PTPRT: variants seen among roughly 807,000 people sequenced by gnomAD.
PTPRT encodes the protein protein tyrosine phosphatase receptor type T, also known as receptor-type tyrosine-protein phosphatase T.
Under a neutral mutation model 176.8 loss-of-function variants are expected in PTPRT, and 56 were observed. That is an observed-to-expected ratio of 0.32 (90% CI 0.26 to 0.40). The LOEUF (loss-of-function observed/expected upper bound fraction) is 0.40, where lower values mean the gene tolerates loss of function less well. Ranked by LOEUF, PTPRT falls within the 10% of genes least tolerant of loss-of-function variation. The probability of loss-of-function intolerance (pLI) is 1.00; values close to 1 mark genes in which losing one functional copy is unlikely to be tolerated. For missense variants in PTPRT, 1,540 were observed against 1,908.2 expected (o/e 0.81, Z 3.60); for synonymous variants, 783 against 739.0 (o/e 1.06, Z -0.96).
chr20:42,709,728 G>GTT (rs2076115815), intron 6 of PTPRT, among the ~76,000 whole-genome samples: 1 of 152,178 alleles, frequency 6.6e-6, no homozygotes, highest in Non-Finnish European at 1.5e-5. Context: ...GGCTGGAAGA[G>GTT]TTTGGAGATT....
chr20:42,366,003 C>T (rs181119136), intron 9 of PTPRT, among the ~76,000 whole-genome samples: 37 of 152,318 alleles, frequency 2.4e-4, no homozygotes, highest in Admixed American at 4.6e-4. Context: ...CAGCCAGTTG[C>T]CAGGAAGACG....
chr20:42,174,438 G>A (rs1990202660), intron 16 of PTPRT, among the ~76,000 whole-genome samples: 1 of 152,160 alleles, frequency 6.6e-6, no homozygotes, highest in Non-Finnish European at 1.5e-5. Context: ...CTGCATGTCA[G>A]TTCTGTGTTT....
intron 1 of PTPRT, among the ~76,000 whole-genome samples, chr20:42,998,807 G>C (rs565659718): frequency 8.5e-4 from 129 of 152,234 alleles, no homozygotes; most frequent in African/African-American, 3.0e-3. Flanking sequence ...AGCTAAGACC[G>C]AGTGACTTGC....
At chr20:43,025,534 T>A (rs1241239593) in intron 1 of PTPRT, among the ~76,000 whole-genome samples, 1 of 152,152 alleles carries the variant, frequency 6.6e-6, no homozygotes, top group Non-Finnish European at 1.5e-5. Context: ...AAAGCAGGAA[T>A]CTCCTGGAAA....
chr20:42,058,068 C>A, the PTPRT span, among the ~76,000 whole-genome samples: 1 of 152,178 alleles, frequency 6.6e-6, no homozygotes, highest in Non-Finnish European at 1.5e-5. Context: ...TCTCCTTCCT[C>A]CTGAATACCT....
At chr20:42,163,902 G>T (rs552287368) in intron 16 of PTPRT, among the ~76,000 whole-genome samples, 1 of 152,208 alleles carries the variant, frequency 6.6e-6, no homozygotes, top group Non-Finnish European at 1.5e-5. Flanking sequence ...TGTCCCAGCT[G>T]TCATGAATAG....
intron 1 of PTPRT, among the ~76,000 whole-genome samples, chr20:43,122,004 C>T (rs2211285): frequency 0.44 from 66,144 of 151,988 alleles, 15,518 homozygotes; most frequent in East Asian, 0.73. Context: ...CTCCAAAACC[C>T]AGGCTCTTGA....
Position 42,363,283 on chromosome 20 carries a change from TATATATATATATATA to T in PTPRT, c.1561-11013_1561-10999del, listed in dbSNP as rs1201717066. Among the ~76,000 whole-genome samples the T allele has an allele frequency of 2.5e-3, 43 of 17,322 alleles. 2 individuals are homozygous for T. Among genetic ancestry groups the T allele is most frequent in the African/African-American group, 0.011 (43 of 3,808 alleles). The allele number at this position is 17,322 out of a possible 152,430, so 11.4% of individuals were successfully genotyped here. ...AATTTATTACAATTATATATATATA[TATATATATATATATA>T]TATTTTTTTTTTTTTTTTTTTTTTT... On this transcript the variant is annotated intron_variant, in intron 9 of 30. Coordinates refer to ENST00000373187, the MANE Select transcript of PTPRT (RefSeq NM_007050.6).
intron 7 of PTPRT, among the ~76,000 whole-genome samples, chr20:42,634,065 A>T (rs1253245702): frequency 7.4e-5 from 3 of 40,502 alleles, no homozygotes; most frequent in East Asian, 1.4e-3. Flanking sequence ...TAAATATATA[A>T]TATATATATA....
intron 9 of PTPRT, among the ~76,000 whole-genome samples, chr20:42,441,683 C>T (rs2059317316): frequency 1.3e-5 from 2 of 152,144 alleles, no homozygotes; most frequent in Admixed American, 6.5e-5. Flanking sequence ...GAGATGGTGC[C>T]ATGCGGCCTG....
At chr20:42,696,848 T>TAGCCC (rs2075887851) in intron 6 of PTPRT, among the ~76,000 whole-genome samples, 1 of 152,122 alleles carries the variant, frequency 6.6e-6, no homozygotes, top group Admixed American at 6.5e-5. Flanking sequence ...GAGACAACTG[T>TAGCCC]AGCCCCAGTA....
chr20:42,696,998 G>A (rs952132889), intron 6 of PTPRT, among the ~76,000 whole-genome samples: 17 of 152,120 alleles, frequency 1.1e-4, no homozygotes, highest in African/African-American at 3.9e-4. Flanking sequence ...AGACAACTAA[G>A]ACATCAAACA....
At chr20:42,198,942 T>C (rs935509526) in intron 16 of PTPRT, among the ~76,000 whole-genome samples, 17 of 152,192 alleles carry the variant, frequency 1.1e-4, no homozygotes, top group African/African-American at 3.4e-4. Flanking sequence ...ACCATCCTCC[T>C]CCTCTTTCTT....
At chr20:42,683,271 T>TTTTTTGTTTTGTTTTG (rs1555898538) in intron 6 of PTPRT, among the ~76,000 whole-genome samples, 4 of 149,280 alleles carry the variant, frequency 2.7e-5, no homozygotes, top group African/African-American at 7.5e-5. Flanking sequence ...TTACTTGTTT[T>TTTTTTGTTTTGTTTTG]TTTTGTTTTG....
intron 7 of PTPRT, among the ~76,000 whole-genome samples, chr20:42,553,196 G>A (rs1229050052): frequency 2.0e-5 from 3 of 152,244 alleles, no homozygotes; most frequent in Non-Finnish European, 4.4e-5. Flanking sequence ...TGATAGGCTA[G>A]CTCAAACAAA....
intron 1 of PTPRT, among the ~76,000 whole-genome samples, chr20:42,956,183 A>G (rs1370941082): frequency 6.6e-6 from 1 of 152,128 alleles, no homozygotes; most frequent in Admixed American, 6.5e-5. Context: ...TTGTCTGCCC[A>G]AACTTGGTGA....
intron 13 of PTPRT, among the ~76,000 whole-genome samples, chr20:42,256,036 T>G (rs727336): frequency 6.6e-6 from 1 of 152,004 alleles, no homozygotes; most frequent in Non-Finnish European, 1.5e-5. Flanking sequence ...TGGCTTTGTA[T>G]GTATCTGGCA....
intron 7 of PTPRT, among the ~76,000 whole-genome samples, chr20:42,638,547 CCT>C (rs576612838): frequency 2.6e-5 from 4 of 152,146 alleles, no homozygotes; most frequent in African/African-American, 9.6e-5. Context: ...ATAAAATCTC[CCT>C]CTGTCTTACT....
chr20:42,566,916 CTA>C (rs1202199998), intron 7 of PTPRT, among the ~76,000 whole-genome samples: 2 of 152,170 alleles, frequency 1.3e-5, no homozygotes, highest in African/African-American at 4.8e-5. Flanking sequence ...TGGGGACTCT[CTA>C]TATTATCTTC....
Sources: gnomAD v4.1 joint callset for allele counts (sites outside exome capture counted in the v4.1 genomes callset) on GRCh38, gnomAD v4.1.1 for gene constraint, MANE v1.5 for transcripts, NCBI Gene and HGNC (gene_info 2026-07-23, HGNC 2026-07-21) for gene names.